GRIA4: variants seen among roughly 807,000 people sequenced by gnomAD.
GRIA4 encodes the protein glutamate ionotropic receptor AMPA type subunit 4.
In GRIA4, 34 loss-of-function variants were observed where a neutral mutation model predicts 104.0. That is an observed-to-expected ratio of 0.33 (90% CI 0.25 to 0.44). GRIA4 has a LOEUF of 0.44. Among genes scored for constraint, GRIA4 ranks in the 20% least tolerant of loss-of-function variants. The pLI, the probability that GRIA4 is intolerant of heterozygous loss-of-function variation, is 1.00. For missense variants in GRIA4, 750 were observed against 1,096.5 expected, an observed-to-expected ratio of 0.68 and a Z score of 4.46; for synonymous variants, 386 against 381.9, an observed-to-expected ratio of 1.01 and a Z score of -0.13.
At chr11:105,723,406 G>GT (rs750647957) in intron 3 of GRIA4, among the ~76,000 whole-genome samples, 12 of 151,944 alleles carry the variant, frequency 7.9e-5, no homozygotes, top group Non-Finnish European at 1.8e-4. Context: ...AAATTTTATG[G>GT]TTTTTTTCCA....
At chr11:105,861,718 G>A (rs1021741535) in intron 4 of GRIA4, among the ~76,000 whole-genome samples, 2 of 152,158 alleles carry the variant, frequency 1.3e-5, no homozygotes, top group Non-Finnish European at 2.9e-5. Flanking sequence ...ACAGATGGTG[G>A]TGGATTTGGT....
At chr11:105,832,994 T>C (rs1156774069) in intron 4 of GRIA4, among the ~76,000 whole-genome samples, 1 of 152,050 alleles carries the variant, frequency 6.6e-6, no homozygotes, top group East Asian at 1.9e-4. Flanking sequence ...AAATCCCAAA[T>C]TTATGTGACT....
At chr11:105,894,912 GC>G (rs1946594205) in intron 6 of GRIA4, among the ~76,000 whole-genome samples, 1 of 131,954 alleles carries the variant, frequency 7.6e-6, no homozygotes, top group South Asian at 2.3e-4. Flanking sequence ...CCATTCTCCT[GC>G]CTCAGCCTCC....
chr11:105,800,277 A>C (rs1457792214), intron 4 of GRIA4, among the ~76,000 whole-genome samples: 1 of 152,036 alleles, frequency 6.6e-6, no homozygotes, highest in Non-Finnish European at 1.5e-5. Context: ...GGGTGAAATC[A>C]AGAGAAATGA....
At chr11:105,770,508 T>G (rs1941159891) in intron 4 of GRIA4, among the ~76,000 whole-genome samples, 1 of 152,088 alleles carries the variant, frequency 6.6e-6, no homozygotes, top group South Asian at 2.1e-4. Flanking sequence ...AAATTTATTT[T>G]AAGCATTTCA....
At chr11:105,728,207 A>G (rs1001874680) in intron 3 of GRIA4, among the ~76,000 whole-genome samples, 3 of 152,224 alleles carry the variant, frequency 2.0e-5, no homozygotes, top group Non-Finnish European at 4.4e-5. Flanking sequence ...AAAGCAAAAG[A>G]AGCAGGGGTT....
chr11:105,703,234 G>T (rs1953568787), intron 3 of GRIA4, among the ~76,000 whole-genome samples: 1 of 152,108 alleles, frequency 6.6e-6, no homozygotes, highest in Non-Finnish European at 1.5e-5. Context: ...GATTCATATG[G>T]TCATTCCTTA....
chr11:105,940,697 A>T (rs1948161098), intron 14 of GRIA4, among the ~76,000 whole-genome samples: 1 of 152,152 alleles, frequency 6.6e-6, no homozygotes, highest in South Asian at 2.1e-4. Context: ...AAAACTGAAA[A>T]TGTACTCCTT....
intron 3 of GRIA4, among the ~76,000 whole-genome samples, chr11:105,695,643 C>A (rs1362106639): frequency 6.6e-6 from 1 of 152,168 alleles, no homozygotes; most frequent in East Asian, 1.9e-4. Flanking sequence ...AGGCACCAAC[C>A]TCTGACTGCA....
At chr11:105,676,056 T>C (rs76421873) in intron 3 of GRIA4, among the ~76,000 whole-genome samples, 4,834 of 151,856 alleles carry the variant, frequency 0.032, 153 homozygotes, top group African/African-American at 0.082. Flanking sequence ...CCTATGAATC[T>C]TGTAAAATAT....
intron 5 of GRIA4, among the ~76,000 whole-genome samples, chr11:105,877,509 A>G (rs1036031656): frequency 6.6e-5 from 10 of 152,180 alleles, no homozygotes; most frequent in Admixed American, 3.9e-4. Context: ...GTGTTTTCCA[A>G]CTTGCTTCCT....
chr11:105,946,769 G>A (rs1243761008), intron 14 of GRIA4, among the ~76,000 whole-genome samples: 1 of 151,980 alleles, frequency 6.6e-6, no homozygotes, highest in Non-Finnish European at 1.5e-5. Flanking sequence ...GTAGATTTTA[G>A]GAAAGTTTTA....
chr11:105,913,120 A>G (rs1448201920), intron 10 of GRIA4: 1 of 678,386 alleles, frequency 1.5e-6, no homozygotes, highest in East Asian at 1.3e-4. Flanking sequence ...AGTTATTCAT[A>G]AATATTTATT....
intron 14 of GRIA4, among the ~76,000 whole-genome samples, chr11:105,947,743 T>G (rs770593362): frequency 7.2e-5 from 11 of 152,204 alleles, no homozygotes; most frequent in Non-Finnish European, 1.5e-4. Context: ...ATATGTGTAA[T>G]ATGTTCCAGT....
intron 9 of GRIA4, 139 bp from the exon 10 acceptor site, chr11:105,910,296 T>C: frequency 1.7e-6 from 1 of 585,442 alleles, no homozygotes; most frequent in Non-Finnish European, 3.1e-6. Context: ...TCTGAACACT[T>C]TTTTTTTTTC....
At chr11:105,614,116 CT>C (rs2135247017) in intron 3 of GRIA4, 1 of 151,600 alleles carries the variant, frequency 6.6e-6, no homozygotes, top group African/African-American at 2.4e-5. Context: ...AATCTTACTA[CT>C]TTTAAAAATA....
chr11:105,916,011 C>T (rs747372682), intron 10 of GRIA4, among the ~76,000 whole-genome samples: 2 of 152,012 alleles, frequency 1.3e-5, no homozygotes, highest in Non-Finnish European at 2.9e-5. Flanking sequence ...TGGTGAAATC[C>T]CATCACTACT....
In GRIA4 at chr11:105,910,486, A is replaced by C; in HGVS notation, c.1210A>C (p.Thr404Pro). The part of the protein sequence containing the change: ...DKLVLIQDVP[T>P]LGNDTAAIEN... ...GTTAGTCTTGATTCAAGATGTACCA[A>C]CTCTTGGCAATGACACAGCTGCTAT... is the stretch of plus-strand genomic sequence containing the variant. Residue 404 changes from threonine to proline, a missense_variant, in exon 10 of 17, where the codon ACT becomes CCT. Around this residue, in one of 3 missense-constraint regions of GRIA4, gnomAD observed 410 missense variants for 502.7 expected, o/e 0.82. Transcript: ENST00000282499. 3 of 1,603,824 alleles carry C rather than the reference A, an allele frequency of 1.9e-6. No individual in the cohort carries two copies. The highest frequency in any genetic ancestry group is 2.6e-6 in the Non-Finnish European group (3 of 1,170,874).
intron 3 of GRIA4, among the ~76,000 whole-genome samples, chr11:105,633,659 G>T (rs1342560934): frequency 6.6e-6 from 1 of 152,076 alleles, no homozygotes; most frequent in African/African-American, 2.4e-5. Context: ...ATAACTGAAG[G>T]CAAGTTTAGG....
Sources: gnomAD v4.1 joint callset for allele counts (sites outside exome capture counted in the v4.1 genomes callset) on GRCh38, gnomAD v4.1.1 for gene constraint, gnomAD v4.1.1 regional missense constraint, MANE v1.5 for transcripts, NCBI Gene and HGNC (gene_info 2026-07-23, HGNC 2026-07-21) for gene names.